The following USP43 variants were observed in gnomAD, a reference collection of about 807,000 sequenced individuals.
The protein encoded by USP43 is ubiquitin carboxyl-terminal hydrolase 43.
USP43 carries 33 observed loss-of-function variants against 90.7 expected under a neutral mutation model. The observed-to-expected ratio is 0.36, with a 90% CI of 0.28 to 0.49. The LOEUF is 0.49. USP43 is among the 20% of genes least tolerant of loss of function. The pLI, the probability that USP43 is intolerant of heterozygous loss-of-function variation, is 0.98. For missense variants in USP43, 1,274 were observed against 1,476.4 expected, an observed-to-expected ratio of 0.86 and a Z score of 2.25; for synonymous variants, 598 against 615.8, an observed-to-expected ratio of 0.97 and a Z score of 0.43.
chr17:9,686,964 T>C lies in USP43; in HGVS notation c.1353+55T>C, dbSNP rs1914632134. The C allele has an allele frequency of 7.0e-6, 10 of 1,434,336 alleles. No individual in the cohort carries two copies. The highest frequency in any genetic ancestry group is 2.8e-5 in the African/African-American group (2 of 71,862). The allele number at this position is 1,434,336 out of a possible 1,614,324, so 88.9% of individuals were successfully genotyped here. ...GTGCGTGCATGCGCATGTGCATGCG[T>C]GTGTGTGGGTGTGTGTATTGGGAGG... On this transcript the variant is annotated intron_variant, in intron 8 of 14. Transcript: ENST00000285199. This position sits in a 1 kb window ranked among gnomAD's most constrained non-coding sequence, Gnocchi z 5.5.
In USP43 at chr17:9,701,083, A is replaced by G; in HGVS notation, c.1536-36A>G. ...TAGACGAAACCTGTCTGGGAGCAGG[A>G]AAGTCCTGAACGCCGTGGGTGTCCT... On this transcript the variant is annotated intron_variant, in intron 10 of 14. Transcript: ENST00000285199. This position sits in a 1 kb window ranked among gnomAD's most constrained non-coding sequence, Gnocchi z 7.2. The G allele has an allele frequency of 3.5e-6, 5 of 1,442,388 alleles. No individual in the cohort carries two copies. Among genetic ancestry groups the G allele is most frequent in the Non-Finnish European group, 4.6e-6 (5 of 1,094,724 alleles). The allele number at this position is 1,442,388 out of a possible 1,614,324, so 89.3% of individuals were successfully genotyped here. A position where few individuals can be genotyped will look rare whatever the true frequency, so the allele number is the denominator to read the frequency against.
At chr17:9,680,933 C>T (rs1242522258) in intron 6 of USP43, among the ~76,000 whole-genome samples, 1 of 148,276 alleles carries the variant, frequency 6.7e-6, no homozygotes, top group African/African-American at 2.5e-5. Flanking sequence ...TTCTAACAGT[C>T]CTTTTTATTT....
At chr17:9,681,185 C>CAT (rs1567660781) in intron 6 of USP43, among the ~76,000 whole-genome samples, 3 of 52,670 alleles carry the variant, frequency 5.7e-5, no homozygotes, top group African/African-American at 3.5e-4. Flanking sequence ...ATATAATATA[C>CAT]TATATAATAT....
chr17:9,694,401 G>C (rs1915136220), intron 9 of USP43, among the ~76,000 whole-genome samples: 1 of 152,204 alleles, frequency 6.6e-6, no homozygotes, highest in Non-Finnish European at 1.5e-5. Flanking sequence ...CCCACACTCA[G>C]TCTTGGAGAT....
At chr17:9,693,025 G>A in intron 8 of USP43, 102 bp from the exon 9 acceptor site, 1 of 878,502 alleles carries the variant, frequency 1.1e-6, no homozygotes, top group Non-Finnish European at 1.8e-6. Context: ...ATACACTATG[G>A]AAAATAATGA....
intron 1 of USP43, among the ~76,000 whole-genome samples, chr17:9,651,174 G>GT (rs145339421): frequency 6.3e-4 from 95 of 151,426 alleles, no homozygotes; most frequent in African/African-American, 2.1e-3. Context: ...GCTGTTTGAT[G>GT]TTTTTTTTGT....
intron 12 of USP43, among the ~76,000 whole-genome samples, chr17:9,706,824 T>C (rs1915911393): frequency 6.6e-6 from 1 of 151,874 alleles, no homozygotes; most frequent in Non-Finnish European, 1.5e-5. Context: ...TTTGTATTTT[T>C]AGTAGAGACG....
At chr17:9,697,091 C>T (rs528852530) in intron 9 of USP43, among the ~76,000 whole-genome samples, 1 of 152,306 alleles carries the variant, frequency 6.6e-6, no homozygotes, top group East Asian at 1.9e-4. Flanking sequence ...GTGGCACACA[C>T]CTGTAATCCC....
chr17:9,652,212 C>CAAAA (rs769295315), intron 1 of USP43, among the ~76,000 whole-genome samples: 29 of 42,706 alleles, frequency 6.8e-4, no homozygotes, highest in African/African-American at 2.5e-3. Context: ...GCCCTTAGCG[C>CAAAA]AAAAAAAAAA....
chr17:9,711,830 T>G, intron 13 of USP43, 138 bp from the exon 14 acceptor site: 3 of 952,608 alleles, frequency 3.1e-6, no homozygotes, highest in Non-Finnish European at 4.3e-6. Context: ...GTTGACAGGT[T>G]TCTGCAGTTC....
chr17:9,712,570 T>C (rs531426193), intron 14 of USP43, among the ~76,000 whole-genome samples: 1 of 152,184 alleles, frequency 6.6e-6, no homozygotes, highest in African/African-American at 2.4e-5. Context: ...AGCCTAGGGC[T>C]ATGTTCCAGG....
chr17:9,693,468 G>A (rs941369470), intron 9 of USP43, among the ~76,000 whole-genome samples: 2 of 152,102 alleles, frequency 1.3e-5, no homozygotes, highest in African/African-American at 4.8e-5. Flanking sequence ...GTTCTCAGAG[G>A]TTAGTTAACT....
At position 9,701,191 on chromosome 17, in the gene USP43, G is replaced by A. The variant is rs574976387; in HGVS notation, c.1608G>A (p.Gln536=). ...TGTGGCAGCAGCAGCAGGCGCATCA[G>A]CAGCACAGCTGTACCTTGGATGAAT... ...DSVWQQQQAH[Q]QHSCTLDECF... is the part of the protein sequence containing the mutation. Residue 536 remains glutamine, a synonymous_variant, in exon 11 of 15, where the codon CAG becomes CAA. Transcript: ENST00000285199. This position sits in a 1 kb window ranked among gnomAD's most constrained non-coding sequence, Gnocchi z 7.2. 3 of 1,571,664 alleles carry A rather than the reference G, an allele frequency of 1.9e-6. No homozygotes were observed. Among genetic ancestry groups the A allele is most frequent in the East Asian group, 2.3e-5 (1 of 44,012 alleles).
chr17:9,711,688 C>T (rs758297990), intron 13 of USP43, among the ~76,000 whole-genome samples: 1 of 152,220 alleles, frequency 6.6e-6, no homozygotes, highest in African/African-American at 2.4e-5. Flanking sequence ...GCCTCGGCCT[C>T]CGTAAGTGCT....
chr17:9,700,761 A>T (rs1915519255), intron 10 of USP43, among the ~76,000 whole-genome samples: 1 of 152,146 alleles, frequency 6.6e-6, no homozygotes, highest in African/African-American at 2.4e-5. Context: ...CCTCATCACC[A>T]TACTTGGCTA....
intron 14 of USP43, among the ~76,000 whole-genome samples, chr17:9,727,667 T>C (rs1227119748): frequency 6.6e-6 from 1 of 152,214 alleles, no homozygotes. Flanking sequence ...TAAGGCTAGA[T>C]GCCCGTGAGA....
chr17:9,711,302 A>C (rs1916183579), intron 13 of USP43, among the ~76,000 whole-genome samples: 1 of 152,236 alleles, frequency 6.6e-6, no homozygotes, highest in African/African-American at 2.4e-5. Context: ...AGCTCTGAGT[A>C]ATACAGTACT....
At chr17:9,677,619 G>A (rs962489146) in intron 5 of USP43, among the ~76,000 whole-genome samples, 1 of 152,248 alleles carries the variant, frequency 6.6e-6, no homozygotes, top group Non-Finnish European at 1.5e-5. Flanking sequence ...CACATGGCAG[G>A]ATGGGAGCGG....
Position 9,717,142 on chromosome 17 carries a change from G to A in USP43, c.2335+5010G>A, listed in dbSNP as rs377583005. Reference sequence around the variant, plus strand: ...CCACTGCACTCCAGCCTGGGCAACAGAGCGAGACTCCCTCTCAAAAAAAAA... The same window carrying A: ...CCACTGCACTCCAGCCTGGGCAACAAAGCGAGACTCCCTCTCAAAAAAAAA... On this transcript the variant is annotated intron_variant, in intron 14 of 14. Transcript: ENST00000285199. Among the ~76,000 whole-genome samples the A allele has an allele frequency of 1.0e-3, 148 of 141,840 alleles. 2 individuals carry two copies. Among genetic ancestry groups the A allele is most frequent in the African/African-American group, 3.9e-3 (144 of 36,912 alleles). 93.1% of individuals were successfully genotyped at this position (141,840 alleles called of 152,430 possible).
Sources: allele counts gnomAD v4.1 joint callset (sites outside exome capture counted in the v4.1 genomes callset), GRCh38; gene constraint gnomAD v4.1.1; non-coding constraint Gnocchi (gnomAD v3.1); transcripts MANE v1.5; gene names NCBI Gene and HGNC (gene_info 2026-07-23, HGNC 2026-07-21).